APOO: variants seen among roughly 807,000 people sequenced by gnomAD.
The protein encoded by APOO is MICOS complex subunit MIC26.
APOO carries 11 observed loss-of-function variants against 23.1 expected under a neutral mutation model. The observed-to-expected ratio is 0.48, with a 90% confidence interval of 0.30 to 0.79. The LOEUF (loss-of-function observed/expected upper bound fraction) is 0.79. APOO is among the 30% of genes least tolerant of loss of function. The probability of loss-of-function intolerance (pLI) is 0.07; values close to 1 mark genes in which losing one functional copy is unlikely to be tolerated. For missense variants in APOO, 160 were observed against 142.7 expected (o/e 1.12, Z -0.62); for synonymous variants, 59 against 54.8 (o/e 1.08, Z -0.34).
intron 7 of APOO, among the ~76,000 whole-genome samples, chrX:23,854,071 C>A (rs1924669948): frequency 8.9e-6 from 1 of 112,229 alleles, no homozygotes; most frequent in Non-Finnish European, 1.9e-5. Context: ...AAATGCAAAC[C>A]AATCATGAGC....
chrX:23,854,032 G>A (rs185793429), intron 7 of APOO, among the ~76,000 whole-genome samples: 103 of 112,032 alleles, frequency 9.2e-4, no homozygotes, highest in African/African-American at 3.1e-3. Flanking sequence ...CAATGACTCT[G>A]AAGAAGGCAA....
intron 4 of APOO, among the ~76,000 whole-genome samples, chrX:23,870,861 C>A (rs1348410210): frequency 9.0e-6 from 1 of 110,901 alleles, no homozygotes; most frequent in Admixed American, 9.7e-5. Flanking sequence ...GAGGCCGATG[C>A]AGGCAGATCA....
intron 1 of APOO, among the ~76,000 whole-genome samples, chrX:23,897,129 A>G (rs1601942983): frequency 8.9e-6 from 1 of 112,102 alleles, no homozygotes; most frequent in African/African-American, 3.2e-5. Context: ...GCTGTTTTCA[A>G]GACTAATATT....
At chrX:23,862,983 A>G (rs1925154182) in intron 5 of APOO, among the ~76,000 whole-genome samples, 1 of 105,665 alleles carries the variant, frequency 9.5e-6, no homozygotes, top group Non-Finnish European at 1.9e-5. Flanking sequence ...GGAAAAGAAG[A>G]TATTTTCCTT....
In APOO at chrX:23,889,739, T is replaced by C. The variant is rs771089022; in HGVS notation, c.10-8787A>G. Among the ~76,000 whole-genome samples the C allele has an allele frequency of 7.4e-3, 741 of 100,632 alleles. 11 individuals are homozygous for C. Among genetic ancestry groups the C allele is most frequent in the South Asian group, 0.037 (67 of 1,819 alleles). 87.4% of individuals were successfully genotyped at this position (100,632 alleles called of 115,157 possible). A position where few individuals can be genotyped will look rare whatever the true frequency, so the allele number is the denominator to read the frequency against. On this transcript the variant is annotated intron_variant, in intron 1 of 8. Coordinates refer to ENST00000379226, the MANE Select transcript of APOO (RefSeq NM_024122.5). Reference sequence around the variant, plus strand: ...GTGCAGTGGTGCGATCTTGGCTCACTGCAAGCTCCGCCTCCTGGGTTCATG... The same window carrying C: ...GTGCAGTGGTGCGATCTTGGCTCACCGCAAGCTCCGCCTCCTGGGTTCATG...
intron 1 of APOO, among the ~76,000 whole-genome samples, chrX:23,898,107 TG>T (rs775157653): frequency 2.8e-5 from 3 of 108,946 alleles, no homozygotes; most frequent in Admixed American, 9.9e-5. Context: ...TTTTTGTTGT[TG>T]TTTTTTTTGA....
intron 5 of APOO, among the ~76,000 whole-genome samples, chrX:23,863,265 G>A (rs986821169): frequency 8.0e-5 from 9 of 112,236 alleles, no homozygotes; most frequent in Non-Finnish European, 1.3e-4. Flanking sequence ...ACCCAGAGGT[G>A]GAGGAGGTTG....
intron 6 of APOO, 102 bp downstream of exon 6, chrX:23,858,540 T>A: frequency 1.3e-6 from 1 of 775,759 alleles, no homozygotes; most frequent in Admixed American, 3.3e-5. Flanking sequence ...CAAATTTTAG[T>A]CTGGTGTTAT....
At chrX:23,879,078 C>T (rs375444240) in intron 2 of APOO, 44 bp from the exon 3 acceptor site, 9 of 1,152,188 alleles carry the variant, frequency 7.8e-6, no homozygotes, top group Non-Finnish European at 1.1e-5. Context: ...GATGTACTGT[C>T]TACAGGATAC....
At position 23,856,199 on chromosome X, in the gene APOO, C is replaced by T. The variant is rs73485517; in HGVS notation, c.561+103G>A. On this transcript the variant is annotated intron_variant, in intron 7 of 8. Transcript: ENST00000379226. ...AGCTGGAGACAGAACTAGAAGCAAACAGAAAAAGCAATAAATCAACAGGGT... is the reference window on the plus strand; with the variant it reads ...AGCTGGAGACAGAACTAGAAGCAAATAGAAAAAGCAATAAATCAACAGGGT... 5,054 of 859,696 alleles carry T rather than the reference C, an allele frequency of 5.9e-3. 90 individuals carry two copies. The African/African-American group carries it at 0.07, about 12-fold the overall frequency. 70.8% of individuals were successfully genotyped at this position (859,696 alleles called of 1,213,427 possible). A position where few individuals can be genotyped will look rare whatever the true frequency, so the allele number is the denominator to read the frequency against.
chrX:23,901,276 A>T (rs1017925033), intron 1 of APOO, among the ~76,000 whole-genome samples: 13 of 111,867 alleles, frequency 1.2e-4, no homozygotes, highest in African/African-American at 3.6e-4. Context: ...ACCAGTTTTC[A>T]CTAGGCCACC....
chrX:23,897,950 G>A (rs1469356025), intron 1 of APOO, among the ~76,000 whole-genome samples: 1 of 101,631 alleles, frequency 9.8e-6, no homozygotes, highest in Non-Finnish European at 2.0e-5. Context: ...AGCTAAGATT[G>A]TGCCACTGCA....
At chrX:23,856,473 G>A (rs1924789304) in intron 6 of APOO, 91 bp from the exon 7 acceptor site, 1 of 713,237 alleles carries the variant, frequency 1.4e-6, no homozygotes, top group Non-Finnish European at 2.1e-6. Context: ...TTACTATAAA[G>A]ATATATGCAT....
intron 3 of APOO, among the ~76,000 whole-genome samples, chrX:23,877,062 G>C (rs1011177404): frequency 9.0e-6 from 1 of 111,457 alleles, no homozygotes; most frequent in Admixed American, 9.6e-5. Context: ...TGAGTATCAC[G>C]CATGGAAGAA....
intron 1 of APOO, among the ~76,000 whole-genome samples, chrX:23,900,529 G>A (rs1324646877): frequency 9.1e-6 from 1 of 109,588 alleles, no homozygotes; most frequent in African/African-American, 3.3e-5. Context: ...CAAAAACTAG[G>A]CCAGGCGTGC....
intron 5 of APOO, among the ~76,000 whole-genome samples, chrX:23,867,112 ACG>A: frequency 2.2e-5 from 1 of 44,954 alleles, no homozygotes; most frequent in Non-Finnish European, 3.5e-5. Flanking sequence ...ATTAAGCTAA[ACG>A]AAACGAAACG....
At chrX:23,842,145 T>TCAGGAGGC (rs1275011741) in intron 7 of APOO, among the ~76,000 whole-genome samples, 1 of 111,394 alleles carries the variant, frequency 9.0e-6, no homozygotes, top group Non-Finnish European at 1.9e-5. Context: ...TCCCAGCACT[T>TCAGGAGGC]CAGGAGGCCG....
rs370050959 is a variant in APOO, at chrX:23,837,558, C to A, written c.*29+2755G>T. On this transcript the variant is annotated intron_variant, in intron 8 of 8. Coordinates refer to ENST00000379226, the MANE Select transcript of APOO (RefSeq NM_024122.5). ...TGTAAAACAATATGTGGAATATGAT[C>A]CCATTTTGTCAAAAAACCAAAAACA... Among the ~76,000 whole-genome samples, 18 of 107,971 alleles carry A rather than the reference C, an allele frequency of 1.7e-4. No homozygotes were observed. In the East Asian group the frequency reaches 3.8e-3, roughly 23 times the overall value. 93.8% of individuals were successfully genotyped at this position (107,971 alleles called of 115,157 possible).
Position 23,859,426 on chromosome X carries a change from T to C in APOO, c.389-693A>G, listed in dbSNP as rs759891423. On this transcript the variant is annotated intron_variant, in intron 5 of 8. Coordinates refer to ENST00000379226, the MANE Select transcript of APOO (RefSeq NM_024122.5). The stretch of plus-strand genomic sequence containing the variant: ...TTGATCTACTTTCTATCTCTATGTG[T>C]TTGCCTACTCTGGATATTTCTTTTT... 5.8e-5 allele frequency among the ~76,000 whole-genome samples: 6 copies of C among 102,872 alleles called. No individual in the cohort carries two copies. In the East Asian group the frequency reaches 1.9e-3, roughly 32 times the overall value. 89.3% of individuals were successfully genotyped at this position (102,872 alleles called of 115,157 possible). A position where few individuals can be genotyped will look rare whatever the true frequency, so the allele number is the denominator to read the frequency against.
Sources: gnomAD v4.1 joint callset for allele counts (sites outside exome capture counted in the v4.1 genomes callset) on GRCh38, gnomAD v4.1.1 for gene constraint, MANE v1.5 for transcripts, NCBI Gene and HGNC (gene_info 2026-07-23, HGNC 2026-07-21) for gene names.